TMEM160: variants seen among roughly 807,000 people sequenced by gnomAD.
TMEM160 encodes the protein transmembrane protein 160.
In TMEM160, 10 loss-of-function variants were observed where a neutral mutation model predicts 13.9. That is an observed-to-expected ratio of 0.72 (90% CI 0.45 to 1.22). The LOEUF (loss-of-function observed/expected upper bound fraction) is 1.22, where lower values mean the gene tolerates loss of function less well. Ranked by LOEUF, TMEM160 falls within the 50% of genes most tolerant of loss-of-function variation. TMEM160 has a pLI of 0.00. For synonymous variants in TMEM160, 159 were observed against 134.8 expected (o/e 1.18, Z -1.25); for missense variants, 287 against 283.2 (o/e 1.01, Z -0.10).
At chr19:47,048,046 C>T (rs1473649403) in intron 1 of TMEM160, among the ~76,000 whole-genome samples, 1 of 148,442 alleles carries the variant, frequency 6.7e-6, no homozygotes, top group Admixed American at 6.7e-5. Context: ...GCTCTCTGCA[C>T]AGTGGTGGCC....
chr19:47,046,934 G>A (rs1273884264), intron 1 of TMEM160, among the ~76,000 whole-genome samples: 2 of 152,206 alleles, frequency 1.3e-5, no homozygotes, highest in South Asian at 2.1e-4. Context: ...TTCAAGGGCC[G>A]GGTGTGGTGG....
Position 47,048,574 on chromosome 19 carries a change from G to A in TMEM160, c.41C>T (p.Ala14Val). The A allele has an allele frequency of 6.6e-7, 1 of 1,521,692 alleles. No individual in the cohort carries two copies. Among genetic ancestry groups the A allele is most frequent in the South Asian group, 1.2e-5 (1 of 82,824 alleles). 94.3% of individuals were successfully genotyped at this position (1,521,692 alleles called of 1,614,324 possible). ...GWWWARAARL[A>V]RLRFRRSLLP... is the part of the protein sequence containing the mutation. ...TAGCGACCTCCGGAAGCGAAGACGG[G>A]CAAGGCGAGCGGCCCGAGCCCACCA... is the stretch of plus-strand genomic sequence containing the variant. The change falls in exon 1 of 3, where the codon GCC becomes GTC. Residue 14 changes from alanine (A) to valine (V), a missense_variant. Ala to Val is a moderately conservative substitution (Grantham distance 64). Coordinates refer to ENST00000253047, the MANE Select transcript of TMEM160 (RefSeq NM_017854.2).
Position 47,048,610 on chromosome 19 carries a change from C to G in TMEM160, c.5G>C (p.Gly2Ala). 1 of 1,535,888 alleles carries G rather than the reference C, an allele frequency of 6.5e-7. No individual in the cohort carries two copies. The highest frequency in any genetic ancestry group is 8.7e-7 in the Non-Finnish European group (1 of 1,150,810). ...GGCCCGAGCCCACCACCAGCCGCCT[C>G]CCATGATTCGCACTACGGCCGCCGC... M[G>A]GGWWWARAAR... The change falls in exon 1 of 3, where the codon GGA (glycine) becomes GCA (alanine). Residue 2 changes from glycine (G) to alanine (A), a missense_variant. Coordinates refer to ENST00000253047, the MANE Select transcript of TMEM160 (RefSeq NM_017854.2).
intron 1 of TMEM160, 37 bp from the exon 2 acceptor site, chr19:47,046,722 C>T (rs192602501): frequency 1.4e-6 from 2 of 1,423,846 alleles, no homozygotes; most frequent in African/African-American, 1.4e-5. Context: ...TAACATCACC[C>T]CCAACCCTAC....
rs1026020273 is a variant in TMEM160, at chr19:47,048,006, T to C, written c.208+401A>G. 3.5e-6 allele frequency: 3 copies of C among 867,306 alleles called. No individual in the cohort carries two copies. The African/African-American group carries it at 5.5e-5, about 16-fold the overall frequency. 53.7% of individuals were successfully genotyped at this position (867,306 alleles called of 1,614,324 possible). A position where few individuals can be genotyped will look rare whatever the true frequency, so the allele number is the denominator to read the frequency against. ...TTGTCCCCTTCTCCAATCCTGAACT[T>C]CCCCCTCTTCTGCGGGGATCCACAC... On this transcript the variant is annotated intron_variant, in intron 1 of 2. Transcript: ENST00000253047.
chr19:47,046,004 G>A lies in TMEM160; in HGVS notation c.550C>T (p.Arg184Trp). The A allele has an allele frequency of 6.5e-7, 1 of 1,537,102 alleles. No individual in the cohort carries two copies. Among genetic ancestry groups the A allele is most frequent in the Non-Finnish European group, 8.7e-7 (1 of 1,147,976 alleles). ...ASAEGPDEAG[R>W]PPPE ...CGTGTCGCTCACTCGGGTGGCGGCC[G>A]ACCCGCCTCATCAGGGCCTTCCGCG... The change falls in exon 3 of 3, where the codon CGG becomes TGG. Residue 184 changes from arginine (R) to tryptophan (W), a missense_variant. Transcript: ENST00000253047.
chr19:47,048,045 A>G (rs1312156062), intron 1 of TMEM160, among the ~76,000 whole-genome samples: 2 of 148,692 alleles, frequency 1.3e-5, no homozygotes, highest in Non-Finnish European at 3.0e-5. Context: ...CGCTCTCTGC[A>G]CAGTGGTGGC....
At chr19:47,046,300 TG>T in intron 2 of TMEM160, 48 bp from the exon 3 acceptor site, 2 of 1,503,736 alleles carry the variant, frequency 1.3e-6, no homozygotes, top group Admixed American at 4.6e-5. Flanking sequence ...GGGGATGGTC[TG>T]GGAGCAAAGC....
At position 47,045,985 on chromosome 19, in the gene TMEM160, G is replaced by A. The variant is rs1415361189; in HGVS notation, c.*2C>T. 87 of 1,536,114 alleles carry A rather than the reference G, an allele frequency of 5.7e-5. No homozygotes were observed. The highest frequency in any genetic ancestry group is 7.5e-5 in the Non-Finnish European group (86 of 1,147,978). ...GCCTGCCAGGCCCCACGGCCGTGTC[G>A]CTCACTCGGGTGGCGGCCGACCCGC... On this transcript the variant is annotated 3_prime_UTR_variant, in exon 3 of 3. Coordinates refer to ENST00000253047, the MANE Select transcript of TMEM160 (RefSeq NM_017854.2).
In TMEM160 at chr19:47,046,010, C is replaced by T; in HGVS notation, c.544G>A (p.Ala182Thr). ...GTASAEGPDE[A>T]GRPPPE ...GCTCACTCGGGTGGCGGCCGACCCGCCTCATCAGGGCCTTCCGCGGAGGCC... is the reference window on the plus strand; with the variant it reads ...GCTCACTCGGGTGGCGGCCGACCCGTCTCATCAGGGCCTTCCGCGGAGGCC... The change falls in exon 3 of 3, where the codon GCG (alanine) becomes ACG (threonine). Residue 182 changes from alanine (A) to threonine (T), a missense_variant. Ala to Thr is a moderately conservative substitution (Grantham distance 58). Coordinates refer to ENST00000253047, the MANE Select transcript of TMEM160 (RefSeq NM_017854.2). 6.5e-7 allele frequency: 1 copy of T among 1,548,206 alleles called. No individual in the cohort carries two copies. The highest frequency in any genetic ancestry group is 8.7e-7 in the Non-Finnish European group (1 of 1,154,326).
At chr19:47,046,812 C>A in intron 1 of TMEM160, 127 bp from the exon 2 acceptor site, 1 of 700,962 alleles carries the variant, frequency 1.4e-6, no homozygotes, top group Non-Finnish European at 2.5e-6. Context: ...AAGGCAAGCC[C>A]ATCCCAAATC....
In TMEM160 at chr19:47,048,465, G is replaced by T; in HGVS notation, c.150C>A (p.Pro50=). Residue 50 remains proline (P), a synonymous_variant, in exon 1 of 3, where the codon CCC becomes CCA. Transcript: ENST00000253047. The stretch of plus-strand genomic sequence containing the variant: ...CCGCACGATCCAGCTCGGACACTGG[G>T]GGCGGCGAAGCCCCGGCGCGGGGAC... ...GHGPRAGASP[P]PVSELDRADA... is the part of the protein sequence containing the mutation. 1 of 1,409,212 alleles carries T rather than the reference G, an allele frequency of 7.1e-7. No individual in the cohort carries two copies. 87.3% of individuals were successfully genotyped at this position (1,409,212 alleles called of 1,614,324 possible).
At chr19:47,048,131 G>C (rs73566540) in intron 1 of TMEM160, among the ~76,000 whole-genome samples, 2 of 151,914 alleles carry the variant, frequency 1.3e-5, no homozygotes, top group Non-Finnish European at 2.9e-5. Flanking sequence ...CTCTCCCCAC[G>C]GCAGGCGCGA....
chr19:47,048,440 C>T lies in TMEM160; in HGVS notation c.175G>A (p.Asp59Asn). The T allele has an allele frequency of 6.9e-7, 1 of 1,443,702 alleles. No individual in the cohort carries two copies. The highest frequency in any genetic ancestry group is 9.0e-7 in the Non-Finnish European group (1 of 1,109,950). 89.4% of individuals were successfully genotyped at this position (1,443,702 alleles called of 1,614,324 possible). The change falls in exon 1 of 3, where the codon GAC becomes AAC. Residue 59 changes from aspartate to asparagine, a missense_variant. By Grantham distance (23) the Asp-to-Asn change is conservative. Transcript: ENST00000253047. ...TGCGCTTTTCGGAGGAGCCAGGCGT[C>T]CGCACGATCCAGCTCGGACACTGGG... ...PPPVSELDRA[D>N]AWLLRKAHET...
chr19:47,046,087 T>TTAC lies in TMEM160; in HGVS notation c.466_467insGTA (p.Tyr156delinsCysAsn). 1 of 1,541,876 alleles carries TTAC rather than the reference T, an allele frequency of 6.5e-7. No homozygotes were observed. The highest frequency in any genetic ancestry group is 8.7e-7 in the Non-Finnish European group (1 of 1,150,238). On this transcript the variant is annotated protein_altering_variant, in exon 3 of 3. Coordinates refer to ENST00000253047, the MANE Select transcript of TMEM160 (RefSeq NM_017854.2). ...CACGTCCAGCTCCAGCTGCCCCATG[T>TTAC]AGAGGCCCACGGCGCACGCCCAGAG...
Position 47,046,152 on chromosome 19 carries a change from GC to G in TMEM160, c.401del (p.Gly134AlafsTer75), listed in dbSNP as rs954767051. The part of the protein sequence containing the change: ...LRGPMQLTLG[G>X]AAVGAGAVLA... Reference sequence around the variant, plus strand: ...GCACGGCGCCCGCGCCCACGGCCGCGCCCCCCAGCGTCAGCTGCATGGGTCC... The same window carrying G: ...GCACGGCGCCCGCGCCCACGGCCGCGCCCCCAGCGTCAGCTGCATGGGTCC... On this transcript the variant is annotated frameshift_variant, in exon 3 of 3. Transcript: ENST00000253047. LOFTEE classifies it high-confidence loss of function. The G allele has an allele frequency of 3.4e-6, 5 of 1,469,924 alleles. No homozygotes were observed. The highest frequency in any genetic ancestry group is 5.3e-5 in the Admixed American group (2 of 37,890). The allele number at this position is 1,469,924 out of a possible 1,614,324, so 91.1% of individuals were successfully genotyped here. A position where few individuals can be genotyped will look rare whatever the true frequency, so the allele number is the denominator to read the frequency against.
At position 47,048,574 on chromosome 19, in the gene TMEM160, G is replaced by T; in HGVS notation, c.41C>A (p.Ala14Asp). The change falls in exon 1 of 3, where the codon GCC (alanine) becomes GAC (aspartate). Residue 14 changes from alanine to aspartate, a missense_variant. By Grantham distance (126) the Ala-to-Asp change is moderately radical (BLOSUM62 -2). Coordinates refer to ENST00000253047, the MANE Select transcript of TMEM160 (RefSeq NM_017854.2). ...GWWWARAARLARLRFRRSLLP... is the reference protein window; with the variant it reads ...GWWWARAARLDRLRFRRSLLP... The stretch of plus-strand genomic sequence containing the variant: ...TAGCGACCTCCGGAAGCGAAGACGG[G>T]CAAGGCGAGCGGCCCGAGCCCACCA... 4 of 1,521,694 alleles carry T rather than the reference G, an allele frequency of 2.6e-6. No homozygotes were observed. The highest frequency in any genetic ancestry group is 2.0e-5 in the Admixed American group (1 of 50,100). The allele number at this position is 1,521,694 out of a possible 1,614,324, so 94.3% of individuals were successfully genotyped here. A position where few individuals can be genotyped will look rare whatever the true frequency, so the allele number is the denominator to read the frequency against.
chr19:47,046,459 G>T, intron 2 of TMEM160, 134 bp downstream of exon 2: 1 of 952,126 alleles, frequency 1.1e-6, no homozygotes, highest in Non-Finnish European at 1.6e-6. Context: ...GTGTCTTCTG[G>T]TGGGGGAAGA....
chr19:47,046,541 G>A (rs370262628), intron 2 of TMEM160, 52 bp downstream of exon 2: 1 of 1,464,460 alleles, frequency 6.8e-7, no homozygotes, highest in Non-Finnish European at 9.5e-7. Context: ...GCAGGTGATA[G>A]GGGCTCTGCA....
Sources: gnomAD v4.1 joint callset for allele counts (sites outside exome capture counted in the v4.1 genomes callset) on GRCh38, gnomAD v4.1.1 for gene constraint, MANE v1.5 for transcripts, NCBI Gene and HGNC (gene_info 2026-07-23, HGNC 2026-07-21) for gene names.